The following TULP4 variants were observed in gnomAD, a reference collection of about 807,000 sequenced individuals.
The protein encoded by TULP4 is tubby-related protein 4.
In TULP4, 16 loss-of-function variants were observed where a neutral mutation model predicts 129.0. The observed-to-expected ratio is 0.12, with a 90% confidence interval of 0.08 to 0.19. TULP4 has a LOEUF of 0.19. Ranked by LOEUF, TULP4 falls within the 10% of genes least tolerant of loss-of-function variation. The pLI, the probability that TULP4 is intolerant of heterozygous loss-of-function variation, is 1.00. For synonymous variants in TULP4, 998 were observed against 854.0 expected, an observed-to-expected ratio of 1.17 and a Z score of -2.94; for missense variants, 1,842 against 2,059.1, an observed-to-expected ratio of 0.89 and a Z score of 2.04.
At chr6:158,357,127 A>G (rs828002) in intron 1 of TULP4, among the ~76,000 whole-genome samples, 142,226 of 152,288 alleles carry the variant, frequency 0.93, 66,490 homozygotes, top group Admixed American at 0.96. Flanking sequence ...GGTGGGCAGC[A>G]CGGCCCCTAG....
chr6:158,284,201 C>T (rs1004211576), intron 1 of TULP4, among the ~76,000 whole-genome samples: 1 of 152,176 alleles, frequency 6.6e-6, no homozygotes, highest in Non-Finnish European at 1.5e-5. Context: ...GCCTGGGACT[C>T]ATTCAGGCCA....
chr6:158,463,143 A>T (rs868232512), intron 6 of TULP4, among the ~76,000 whole-genome samples: 2 of 152,176 alleles, frequency 1.3e-5, no homozygotes. Context: ...GTGGTGGCTT[A>T]TTCTAGTCTC....
intron 1 of TULP4, among the ~76,000 whole-genome samples, chr6:158,318,285 C>T (rs1779538271): frequency 6.6e-6 from 1 of 152,234 alleles, no homozygotes. Flanking sequence ...CATAGTGAGA[C>T]CCTGCCTCTA....
intron 6 of TULP4, among the ~76,000 whole-genome samples, chr6:158,471,250 C>T (rs757126909): frequency 6.6e-6 from 1 of 152,186 alleles, no homozygotes; most frequent in Non-Finnish European, 1.5e-5. Flanking sequence ...AAGGAAGATT[C>T]GGCAGGAGTG....
intron 1 of TULP4, among the ~76,000 whole-genome samples, chr6:158,276,976 G>A (rs190360949): frequency 1.3e-4 from 19 of 151,500 alleles, no homozygotes; most frequent in Middle Eastern, 3.4e-3. Context: ...TCTTGTTCCC[G>A]TTTCACAGGC....
At chr6:158,290,967 A>G (rs1383669055) in intron 1 of TULP4, among the ~76,000 whole-genome samples, 1 of 152,178 alleles carries the variant, frequency 6.6e-6, no homozygotes, top group Non-Finnish European at 1.5e-5. Context: ...CACCTATAAA[A>G]TGTGGACAAC....
At position 158,413,711 on chromosome 6, in the gene TULP4, G is replaced by A. The variant is rs983366917; in HGVS notation, c.381+518G>A. On this transcript the variant is annotated intron_variant, in intron 2 of 13. Transcript: ENST00000367097. The surrounding 1 kb of genome is among the most constrained non-coding windows in gnomAD (Gnocchi z 4.9). ...TGACACAGTTTGTCTCTGCTCTCAGGAAACAGTTGCACCCAGGACAGCCTG... is the reference window on the plus strand; with the variant it reads ...TGACACAGTTTGTCTCTGCTCTCAGAAAACAGTTGCACCCAGGACAGCCTG... 1.4e-5 allele frequency among the ~76,000 whole-genome samples: 2 copies of A among 146,242 alleles called. No homozygotes were observed. The highest frequency in any genetic ancestry group is 4.9e-5 in the African/African-American group (2 of 41,098).
At chr6:158,355,441 A>G (rs907594164) in intron 1 of TULP4, among the ~76,000 whole-genome samples, 1 of 152,150 alleles carries the variant, frequency 6.6e-6, no homozygotes, top group African/African-American at 2.4e-5. Context: ...GGTTTGTCCA[A>G]GAGTCCAGGT....
chr6:158,373,040 GA>G (rs1453549341), intron 1 of TULP4, among the ~76,000 whole-genome samples: 1 of 152,190 alleles, frequency 6.6e-6, no homozygotes, highest in Non-Finnish European at 1.5e-5. Context: ...TGCTCAGACA[GA>G]AAACTTGAAG....
intron 12 of TULP4, among the ~76,000 whole-genome samples, chr6:158,499,680 G>A (rs2128261588): frequency 6.6e-6 from 1 of 152,268 alleles, no homozygotes; most frequent in Non-Finnish European, 1.5e-5. Flanking sequence ...GAGGAACCCA[G>A]ACATGGACCG....
At chr6:158,490,768 A>G (rs1209052927) in intron 9 of TULP4, among the ~76,000 whole-genome samples, 1 of 150,392 alleles carries the variant, frequency 6.6e-6, no homozygotes, top group East Asian at 1.9e-4. Context: ...GTCAAACGAT[A>G]TGTTCCCTTT....
intron 6 of TULP4, among the ~76,000 whole-genome samples, chr6:158,463,242 A>G (rs1367414206): frequency 6.6e-6 from 1 of 152,186 alleles, no homozygotes; most frequent in African/African-American, 2.4e-5. Flanking sequence ...TTACATTTTA[A>G]CTAAATTGTT....
chr6:158,431,486 G>T (rs972915462), intron 3 of TULP4, among the ~76,000 whole-genome samples: 1 of 152,174 alleles, frequency 6.6e-6, no homozygotes, highest in Non-Finnish European at 1.5e-5. Flanking sequence ...TGTAGGACAG[G>T]CAGGGGACCC....
At chr6:158,300,404 G>T (rs1452520669) in intron 1 of TULP4, among the ~76,000 whole-genome samples, 1 of 152,196 alleles carries the variant, frequency 6.6e-6, no homozygotes, top group Non-Finnish European at 1.5e-5. Context: ...AATGTAACTG[G>T]GAGTGGGGAG....
chr6:158,242,746 A>G, intron 1 of TULP4: 1 of 468,266 alleles, frequency 2.1e-6, no homozygotes, highest in South Asian at 2.1e-5. Context: ...GCACACAGGA[A>G]GTTGCTGTTC....
chr6:158,433,104 G>A (rs2115069703), intron 3 of TULP4, among the ~76,000 whole-genome samples: 1 of 152,222 alleles, frequency 6.6e-6, no homozygotes, highest in East Asian at 1.9e-4. Context: ...TACAGCAGTT[G>A]GTTGTTCTGT....
intron 1 of TULP4, among the ~76,000 whole-genome samples, chr6:158,372,319 TCTC>T (rs1777092070): frequency 6.6e-6 from 1 of 151,954 alleles, no homozygotes; most frequent in Non-Finnish European, 1.5e-5. Flanking sequence ...CCTTCCTTCT[TCTC>T]CAGATCCTCC....
chr6:158,489,618 C>T lies in TULP4; in HGVS notation c.1517C>T (p.Thr506Ile), dbSNP rs1224444454. 2 of 1,614,198 alleles carry T rather than the reference C, an allele frequency of 1.2e-6. No homozygotes were observed. Among genetic ancestry groups the T allele is most frequent in the Non-Finnish European group, 1.7e-6 (2 of 1,180,042 alleles). The change falls in exon 9 of 14, where the codon ACT (threonine) becomes ATT (isoleucine). Residue 506 changes from threonine to isoleucine, a missense_variant. Around this residue, in one of 5 missense-constraint regions of TULP4, gnomAD observed 456 missense variants for 534.3 expected, o/e 0.85. Coordinates refer to ENST00000367097, the MANE Select transcript of TULP4 (RefSeq NM_020245.5). The part of the protein sequence containing the change: ...DEIYGNSLIS[T>I]VIDSCNCSDS... ...ATCTATGGGAACAGCTTGATTTCTA[C>T]TGTGATCGACAGCTGCAACTGCTCA...
chr6:158,393,169 T>C (rs1035246032), intron 1 of TULP4, among the ~76,000 whole-genome samples: 1 of 152,196 alleles, frequency 6.6e-6, no homozygotes, highest in Non-Finnish European at 1.5e-5. Context: ...AATAATCTCC[T>C]TTGACTCCAT....
Sources: gnomAD v4.1 joint callset for allele counts (sites outside exome capture counted in the v4.1 genomes callset) on GRCh38, gnomAD v4.1.1 for gene constraint, gnomAD v4.1.1 regional missense constraint, Gnocchi (gnomAD v3.1) non-coding constraint, MANE v1.5 for transcripts, NCBI Gene and HGNC (gene_info 2026-07-23, HGNC 2026-07-21) for gene names.